SLC35E4: variants seen among roughly 807,000 people sequenced by gnomAD.
The protein encoded by SLC35E4 is solute carrier family 35 member E4.
In SLC35E4, 15 loss-of-function variants were observed where a neutral mutation model predicts 19.3. That is an observed-to-expected ratio of 0.78 (90% confidence interval 0.52 to 1.20). The LOEUF is 1.20. Ranked by LOEUF, SLC35E4 falls within the 50% of genes most tolerant of loss-of-function variation. SLC35E4 has a pLI of 0.00. For synonymous variants in SLC35E4, 219 were observed against 219.9 expected (o/e 1.00, Z 0.04); for missense variants, 406 against 472.3 (o/e 0.86, Z 1.30).
intron 1 of SLC35E4, among the ~76,000 whole-genome samples, chr22:30,646,286 G>A (rs867529082): frequency 2.0e-5 from 3 of 152,114 alleles, no homozygotes; most frequent in Admixed American, 2.0e-4. Context: ...TATGTATGCC[G>A]TCTTTTAAAA....
rs1417230097 is a variant in SLC35E4 at position 30,647,516 on chromosome 22, C to T, written c.*485C>T. ...ATTGGAATGGGGACTCCCAGGGAGACCTGCGTTCCATCCCTGCCTGCCTCA... is the reference window on the plus strand; with the variant it reads ...ATTGGAATGGGGACTCCCAGGGAGATCTGCGTTCCATCCCTGCCTGCCTCA... On this transcript the variant is annotated 3_prime_UTR_variant, in exon 2 of 2. Transcript: ENST00000343605. The T allele has an allele frequency of 6.3e-6, 1 of 157,536 alleles. No individual in the cohort carries two copies. The highest frequency in any genetic ancestry group is 1.4e-5 in the Non-Finnish European group (1 of 71,852). 9.8% of individuals were successfully genotyped at this position (157,536 alleles called of 1,614,324 possible).
intron 2 of SLC35E4, among the ~76,000 whole-genome samples, chr22:30,658,563 G>A (rs1372642820): frequency 6.6e-6 from 1 of 151,692 alleles, no homozygotes; most frequent in African/African-American, 2.4e-5. Context: ...GAGTACACCC[G>A]CCATGGAGGG....
chr22:30,664,137 G>C, downstream of SLC35E4: 2 of 778,702 alleles, frequency 2.6e-6, no homozygotes, highest in Non-Finnish European at 4.2e-6. Flanking sequence ...AATTCCAGGG[G>C]ATCCCTGGGA....
chr22:30,646,953 C>T lies in SLC35E4; in HGVS notation c.975C>T (p.Tyr325=). 1 of 1,614,126 alleles carries T rather than the reference C, an allele frequency of 6.2e-7. No individual in the cohort carries two copies. Among genetic ancestry groups the T allele is most frequent in the Admixed American group, 1.7e-5 (1 of 60,030 alleles). The stretch of plus-strand genomic sequence containing the variant: ...TCACTCTTTCAGGAATGTTCCTTTA[C>T]CACAACTGCGAGTTCGTGGCCTCCT... ...IALTLSGMFL[Y]HNCEFVASWA... The change falls in exon 2 of 2, where the codon TAC becomes TAT. Residue 325 remains tyrosine (Y), a synonymous_variant. Transcript: ENST00000343605.
In SLC35E4 at chr22:30,636,210, C is replaced by G. The variant is rs2087941980; in HGVS notation, c.-241C>G. The G allele has an allele frequency of 1.9e-6, 1 of 520,482 alleles. No individual in the cohort carries two copies. Among genetic ancestry groups the G allele is most frequent in the African/African-American group, 1.9e-5 (1 of 51,890 alleles). 32.2% of individuals were successfully genotyped at this position (520,482 alleles called of 1,614,324 possible). A position where few individuals can be genotyped will look rare whatever the true frequency, so the allele number is the denominator to read the frequency against. ...GTGCCTGGAGCCCACGCTTGAGCAT[C>G]GGAGACCCTGGCATCCTAGCAGCCG... On this transcript the variant is annotated 5_prime_UTR_variant, in exon 1 of 2. The change creates a new upstream start codon in the 5' untranslated region. Coordinates refer to ENST00000343605, the MANE Select transcript of SLC35E4 (RefSeq NM_001001479.4).
In SLC35E4 at chr22:30,647,297, C is replaced by T; in HGVS notation, c.*266C>T. ...CCTATAGTCCCAGCTACATGGGAGG[C>T]TAAGGTGGGAGGATCACTTGAGCCC... is the stretch of plus-strand genomic sequence containing the variant. On this transcript the variant is annotated 3_prime_UTR_variant, in exon 2 of 2. Coordinates refer to ENST00000343605, the MANE Select transcript of SLC35E4 (RefSeq NM_001001479.4). The T allele has an allele frequency of 2.2e-6, 1 of 454,964 alleles. No homozygotes were observed. Among genetic ancestry groups the T allele is most frequent in the South Asian group, 3.0e-5 (1 of 33,364 alleles). 28.2% of individuals were successfully genotyped at this position (454,964 alleles called of 1,614,324 possible).
At chr22:30,640,443 T>C (rs1284582192) in intron 1 of SLC35E4, among the ~76,000 whole-genome samples, 1 of 151,284 alleles carries the variant, frequency 6.6e-6, no homozygotes, top group Non-Finnish European at 1.5e-5. Context: ...TCCCTAATGA[T>C]GTGAAGCATG....
At chr22:30,648,843 CA>C (rs113704014), downstream of SLC35E4, among the ~76,000 whole-genome samples, 24 of 146,034 alleles carry the variant, frequency 1.6e-4, no homozygotes, top group Non-Finnish European at 1.7e-4. Flanking sequence ...CTATCTCTTT[CA>C]AAAAAAAAAA....
rs1011777343 is a variant in SLC35E4, at chr22:30,636,254, G to C, written c.-197G>C. ...GCAGCCGCGACCTTGGCTCTGCCCT[G>C]TCTGAGCTGGAAACACAGCTTAGCT... On this transcript the variant is annotated 5_prime_UTR_variant, in exon 1 of 2. Coordinates refer to ENST00000343605, the MANE Select transcript of SLC35E4 (RefSeq NM_001001479.4). The C allele has an allele frequency of 2.4e-5, 19 of 795,236 alleles. No homozygotes were observed. The Admixed American group carries it at 6.0e-4, about 25-fold the overall frequency. 49.3% of individuals were successfully genotyped at this position (795,236 alleles called of 1,614,324 possible).
intron 2 of SLC35E4, chr22:30,654,296 G>A: frequency 2.2e-6 from 1 of 456,628 alleles, no homozygotes; most frequent in Non-Finnish European, 4.4e-6. Context: ...CCCATGAGCT[G>A]TTTCTTATTC....
At chr22:30,648,815 G>A (rs1169808696), downstream of SLC35E4, among the ~76,000 whole-genome samples, 3 of 152,126 alleles carry the variant, frequency 2.0e-5, no homozygotes, top group Admixed American at 6.6e-5. Flanking sequence ...ACTCCAGCCT[G>A]GGTGACAGAG....
At chr22:30,663,789 G>A (rs1425611552), downstream of SLC35E4, 1 of 1,614,224 alleles carries the variant, frequency 6.2e-7, no homozygotes, top group South Asian at 1.1e-5. Flanking sequence ...AGGGGAGTCA[G>A]CCACAGGTAC....
At chr22:30,644,396 T>C (rs1430200525) in intron 1 of SLC35E4, among the ~76,000 whole-genome samples, 1 of 152,158 alleles carries the variant, frequency 6.6e-6, no homozygotes, top group East Asian at 1.9e-4. Context: ...ACTACTCATC[T>C]CTCTCCACTA....
chr22:30,644,194 TAGAAAC>T (rs2088090960), intron 1 of SLC35E4, among the ~76,000 whole-genome samples: 1 of 152,256 alleles, frequency 6.6e-6, no homozygotes, highest in Admixed American at 6.5e-5. Flanking sequence ...TGTTCATTTC[TAGAAAC>T]GCTTGAGCCA....
intron 2 of SLC35E4, among the ~76,000 whole-genome samples, chr22:30,658,254 C>T (rs923714317): frequency 6.6e-6 from 1 of 151,434 alleles, no homozygotes; most frequent in African/African-American, 2.4e-5. Context: ...GAAATATTAA[C>T]AAGGCTGGGT....
At chr22:30,659,476 C>T (rs532072695) in intron 2 of SLC35E4, among the ~76,000 whole-genome samples, 4 of 152,098 alleles carry the variant, frequency 2.6e-5, no homozygotes, top group South Asian at 2.1e-4. Context: ...TGGGTTCAAG[C>T]GATTCTTCCG....
In SLC35E4 at chr22:30,636,781, C is replaced by G; in HGVS notation, c.331C>G (p.Leu111Val). Residue 111 changes from leucine (L) to valine (V), a missense_variant, in exon 1 of 2, where the codon CTA (leucine) becomes GTA (valine). Physicochemically the swap from Leu to Val is conservative, Grantham distance 32. Coordinates refer to ENST00000343605, the MANE Select transcript of SLC35E4 (RefSeq NM_001001479.4). Reference protein sequence around the residue: ...PMPGGTRCRVLLLSLTFGTSM... With the variant: ...PMPGGTRCRVVLLSLTFGTSM... The stretch of plus-strand genomic sequence containing the variant: ...GCCAGGCGGCACTCGCTGCCGAGTC[C>G]TACTGCTCAGTCTCACCTTTGGCAC... The G allele has an allele frequency of 6.2e-7, 1 of 1,612,560 alleles. No individual in the cohort carries two copies. Among genetic ancestry groups the G allele is most frequent in the Non-Finnish European group, 8.5e-7 (1 of 1,179,576 alleles).
downstream of SLC35E4, among the ~76,000 whole-genome samples, chr22:30,652,816 A>G (rs2078975): frequency 0.89 from 135,620 of 152,272 alleles, 60,425 homozygotes; most frequent in East Asian, 1. Context: ...TGATCTCAAA[A>G]GTCACACTCT....
intron 2 of SLC35E4, among the ~76,000 whole-genome samples, chr22:30,657,407 C>T (rs1462246283): frequency 1.3e-5 from 2 of 148,694 alleles, no homozygotes; most frequent in African/African-American, 2.5e-5. Flanking sequence ...TGCAGTAAGC[C>T]GAGATCACAC....
Sources: allele counts gnomAD v4.1 joint callset (sites outside exome capture counted in the v4.1 genomes callset), GRCh38; gene constraint gnomAD v4.1.1; transcripts MANE v1.5; gene names NCBI Gene and HGNC (gene_info 2026-07-23, HGNC 2026-07-21).